Variants in CDHR1 observed in about 807,000 individuals in gnomAD.
The protein encoded by CDHR1 is cadherin related family member 1, also known as cadherin-related family member 1.
A neutral mutation model predicts 72.1 loss-of-function variants in CDHR1; 61 were observed. That is an observed-to-expected ratio of 0.85 (90% confidence interval 0.69 to 1.05). The LOEUF is 1.05. Ranked by LOEUF, CDHR1 falls within the 50% of genes least tolerant of loss-of-function variation. CDHR1 has a pLI of 0.00. For missense variants in CDHR1, 1,186 were observed against 1,115.7 expected (o/e 1.06, Z -0.90); for synonymous variants, 470 against 448.1 (o/e 1.05, Z -0.62).
intron 10 of CDHR1, 35 bp from the exon 11 acceptor site, chr10:84,208,139 T>A (rs1220345437): frequency 6.3e-7 from 1 of 1,593,114 alleles, no homozygotes; most frequent in Admixed American, 1.7e-5. Flanking sequence ...AGGGTCCACC[T>A]GCCACACAGC....
rs1842420884 is a variant in CDHR1, at chr10:84,216,032, G to T, written c.*1411G>T. 9 of 985,332 alleles carry T rather than the reference G, an allele frequency of 9.1e-6. No individual in the cohort carries two copies. The highest frequency in any genetic ancestry group is 1.1e-5 in the Non-Finnish European group (9 of 829,956). The allele number at this position is 985,332 out of a possible 1,614,324, so 61.0% of individuals were successfully genotyped here. A position where few individuals can be genotyped will look rare whatever the true frequency, so the allele number is the denominator to read the frequency against. The stretch of plus-strand genomic sequence containing the variant: ...GCCAGGGCAGCCCTTATCAGCTTGT[G>T]ACAACCTTCCCCAGGACAGAAGTCA... On this transcript the variant is annotated 3_prime_UTR_variant, in exon 17 of 17. Coordinates refer to ENST00000623527, the MANE Select transcript of CDHR1 (RefSeq NM_033100.4).
chr10:84,195,811 G>A (rs991623728), intron 2 of CDHR1, among the ~76,000 whole-genome samples: 9 of 152,222 alleles, frequency 5.9e-5, no homozygotes, highest in Admixed American at 2.6e-4. Flanking sequence ...CCACAGACAG[G>A]GTCGCCCCGC....
chr10:84,204,716 A>G (rs776355721), intron 9 of CDHR1, 111 bp downstream of exon 9: 37 of 760,018 alleles, frequency 4.9e-5, no homozygotes, highest in Non-Finnish European at 8.1e-5. Flanking sequence ...CAGGATTACA[A>G]GATGTATGGA....
chr10:84,214,749 A>G lies in CDHR1; in HGVS notation c.*128A>G, dbSNP rs1842400524. On this transcript the variant is annotated 3_prime_UTR_variant, in exon 17 of 17. Coordinates refer to ENST00000623527, the MANE Select transcript of CDHR1 (RefSeq NM_033100.4). The stretch of plus-strand genomic sequence containing the variant: ...TGTTTTGCACAATGGTATAATCCCC[A>G]CTGTCCTCATCTCTACCGCCACCTT... The G allele has an allele frequency of 1.3e-6, 2 of 1,569,538 alleles. No individual in the cohort carries two copies. The highest frequency in any genetic ancestry group is 1.4e-5 in the African/African-American group (1 of 73,656).
Position 84,215,346 on chromosome 10 carries a change from C to T in CDHR1, c.*725C>T, listed in dbSNP as rs1327623219. The T allele has an allele frequency of 7.1e-6, 7 of 985,602 alleles. No individual in the cohort carries two copies. The highest frequency in any genetic ancestry group is 1.1e-4 in the East Asian group (1 of 8,812). 61.1% of individuals were successfully genotyped at this position (985,602 alleles called of 1,614,324 possible). A position where few individuals can be genotyped will look rare whatever the true frequency, so the allele number is the denominator to read the frequency against. ...GTCTCCAGCCAGGACTGCCCTGAGCCGCAAAATGTCAAAGCTGGAGCTATA... is the reference window on the plus strand; with the variant it reads ...GTCTCCAGCCAGGACTGCCCTGAGCTGCAAAATGTCAAAGCTGGAGCTATA... On this transcript the variant is annotated 3_prime_UTR_variant, in exon 17 of 17. Transcript: ENST00000623527.
chr10:84,216,697 C>T lies in CDHR1; in HGVS notation c.*2076C>T, dbSNP rs2132842436. 1 of 985,506 alleles carries T rather than the reference C, an allele frequency of 1.0e-6. No homozygotes were observed. Among genetic ancestry groups the T allele is most frequent in the Non-Finnish European group, 1.2e-6 (1 of 829,946 alleles). 61.0% of individuals were successfully genotyped at this position (985,506 alleles called of 1,614,324 possible). On this transcript the variant is annotated 3_prime_UTR_variant, in exon 17 of 17. Transcript: ENST00000623527. ...GGCTGAAAATTTTTGTCCAAATTGC[C>T]ATGCAGATATCTTGAACAGCAGGAC...
intron 10 of CDHR1, among the ~76,000 whole-genome samples, chr10:84,206,429 A>G (rs1400473152): frequency 8.5e-5 from 13 of 152,198 alleles, no homozygotes; most frequent in South Asian, 6.2e-4. Flanking sequence ...TCACACAAGG[A>G]CTATACTTAG....
chr10:84,204,975 G>A (rs1842198586), intron 9 of CDHR1, among the ~76,000 whole-genome samples: 1 of 152,182 alleles, frequency 6.6e-6, no homozygotes, highest in Non-Finnish European at 1.5e-5. Flanking sequence ...GCATATAGAT[G>A]AATTAAATGA....
chr10:84,216,582 T>C lies in CDHR1; in HGVS notation c.*1961T>C. On this transcript the variant is annotated 3_prime_UTR_variant, in exon 17 of 17. Coordinates refer to ENST00000623527, the MANE Select transcript of CDHR1 (RefSeq NM_033100.4). The stretch of plus-strand genomic sequence containing the variant: ...ATGTTTGCTGACCTGTGGAGACCAG[T>C]CTTTCTGACACACAGTGAAGCTCAA... 1.0e-6 allele frequency: 1 copy of C among 985,490 alleles called. No homozygotes were observed. Among genetic ancestry groups the C allele is most frequent in the Non-Finnish European group, 1.2e-6 (1 of 829,950 alleles). The allele number at this position is 985,490 out of a possible 1,614,324, so 61.0% of individuals were successfully genotyped here.
intron 4 of CDHR1, among the ~76,000 whole-genome samples, chr10:84,198,435 C>G (rs1165042203): frequency 1.3e-5 from 2 of 152,252 alleles, no homozygotes; most frequent in Admixed American, 6.5e-5. Flanking sequence ...ACATCCACCC[C>G]ACCCAGGCCA....
At chr10:84,203,788 G>C in intron 8 of CDHR1, among the ~76,000 whole-genome samples, 1 of 152,240 alleles carries the variant, frequency 6.6e-6, no homozygotes, top group East Asian at 1.9e-4. Flanking sequence ...CAGAGTGAGG[G>C]AGAGAGATGC....
At position 84,211,677 on chromosome 10, in the gene CDHR1, C is replaced by T. The variant is rs116594644; in HGVS notation, c.1515C>T (p.Gly505=). The part of the protein sequence containing the change: ...TAVDPDTGPW[G]EVKYSTYGTG... Reference sequence around the variant, plus strand: ...TGGATCCAGATACAGGACCCTGGGGCGAAGTGAAATATTCCACCTATGGGA... The same window carrying T: ...TGGATCCAGATACAGGACCCTGGGGTGAAGTGAAATATTCCACCTATGGGA... The change falls in exon 14 of 17, where the codon GGC becomes GGT. Residue 505 remains glycine, a synonymous_variant. Transcript: ENST00000623527. The T allele has an allele frequency of 3.0e-3, 4,871 of 1,613,980 alleles. 134 individuals carry two copies. In the African/African-American group the frequency reaches 0.053, roughly 18 times the overall value.
chr10:84,217,847 T>C lies in CDHR1; in HGVS notation c.*3226T>C. 1 of 985,362 alleles carries C rather than the reference T, an allele frequency of 1.0e-6. No individual in the cohort carries two copies. Among genetic ancestry groups the C allele is most frequent in the Non-Finnish European group, 1.2e-6 (1 of 829,934 alleles). 61.0% of individuals were successfully genotyped at this position (985,362 alleles called of 1,614,324 possible). ...TGGCCTGTGTAGCCGGCAGCCTGCA[T>C]TTGGGCGTTGACATTCCAGGGGAGT... On this transcript the variant is annotated 3_prime_UTR_variant, in exon 17 of 17. Transcript: ENST00000623527.
Position 84,214,134 on chromosome 10 carries a change from C to A in CDHR1, c.2093C>A (p.Pro698His), listed in dbSNP as rs1424565711. ...AAFLIQTKDN[P>H]MKAVGVLAGT... is the part of the protein sequence containing the mutation. The stretch of plus-strand genomic sequence containing the variant: ...TTCCTGATACAGACCAAGGACAACC[C>A]CATGAAGGCCGTGGGTGTGCTGGCC... The change falls in exon 17 of 17, where the codon CCC (proline) becomes CAC (histidine). Residue 698 changes from proline (P) to histidine (H), a missense_variant. Pro to His is a moderately conservative substitution (Grantham distance 77). Transcript: ENST00000623527. 3 of 1,614,208 alleles carry A rather than the reference C, an allele frequency of 1.9e-6. No individual in the cohort carries two copies. The highest frequency in any genetic ancestry group is 2.5e-6 in the Non-Finnish European group (3 of 1,180,034).
rs74574460 is a variant in CDHR1, at chr10:84,214,866, C to T, written c.*245C>T. 3,655 of 1,444,748 alleles carry T rather than the reference C, an allele frequency of 2.5e-3. 87 individuals carry two copies. In the African/African-American group the frequency reaches 0.046, roughly 18 times the overall value. The allele number at this position is 1,444,748 out of a possible 1,614,324, so 89.5% of individuals were successfully genotyped here. A position where few individuals can be genotyped will look rare whatever the true frequency, so the allele number is the denominator to read the frequency against. On this transcript the variant is annotated 3_prime_UTR_variant, in exon 17 of 17. Transcript: ENST00000623527. ...TAGGATGCAATTGGCAAATACGTCC[C>T]CGTTACTCAAATCCTTGGCACTACT...
intron 11 of CDHR1, 134 bp downstream of exon 11, chr10:84,208,511 G>A: frequency 8.9e-7 from 1 of 1,120,776 alleles, no homozygotes; most frequent in Non-Finnish European, 1.3e-6. Flanking sequence ...AATGAAACAA[G>A]AAGTTGTAAC....
At chr10:84,196,083 G>A (rs139477524) in intron 2 of CDHR1, among the ~76,000 whole-genome samples, 115 of 152,286 alleles carry the variant, frequency 7.6e-4, no homozygotes, top group Middle Eastern at 3.4e-3. Context: ...TCCAGGCATC[G>A]GGGACAGTGG....
chr10:84,212,037 G>C, intron 14 of CDHR1, 142 bp from the exon 15 acceptor site: 3 of 756,976 alleles, frequency 4.0e-6, no homozygotes, highest in Non-Finnish European at 6.9e-6. Flanking sequence ...GCAAGGATAG[G>C]AGGGAGCAGG....
chr10:84,219,346 G>C (rs549271300), downstream of CDHR1: 28 of 1,533,016 alleles, frequency 1.8e-5, no homozygotes, highest in African/African-American at 2.8e-4. Context: ...GTTTACAGAA[G>C]CAACTGAATA....
Sources: gnomAD v4.1 joint callset for allele counts (sites outside exome capture counted in the v4.1 genomes callset) on GRCh38, gnomAD v4.1.1 for gene constraint, MANE v1.5 for transcripts, NCBI Gene and HGNC (gene_info 2026-07-23, HGNC 2026-07-21) for gene names.